PDE1C: variants seen among roughly 807,000 people sequenced by gnomAD.
PDE1C encodes the protein dual specificity calcium/calmodulin-dependent 3',5'-cyclic nucleotide phosphodiesterase 1C.
In PDE1C, 62 loss-of-function variants were observed where a neutral mutation model predicts 93.1. That is an observed-to-expected ratio of 0.67 (90% CI 0.54 to 0.82). The LOEUF (loss-of-function observed/expected upper bound fraction) is 0.82. PDE1C is among the 40% of genes least tolerant of loss of function. The pLI is 0.00. For missense variants in PDE1C, 742 were observed against 884.6 expected, an observed-to-expected ratio of 0.84 and a Z score of 2.04; for synonymous variants, 325 against 310.1, an observed-to-expected ratio of 1.05 and a Z score of -0.50.
chr7:32,235,387 A>T (rs902327884), intron 1 of PDE1C, among the ~76,000 whole-genome samples: 4 of 150,972 alleles, frequency 2.6e-5, no homozygotes, highest in Non-Finnish European at 5.9e-5. Flanking sequence ...AAGTTACATG[A>T]TTGTCTATGT....
At chr7:31,643,521 G>C in the PDE1C span, 2 of 1,614,036 alleles carry the variant, frequency 1.2e-6, no homozygotes, top group Admixed American at 3.3e-5. Flanking sequence ...CCAGCCTGGT[G>C]TCGGCTGCTC....
At chr7:31,974,678 G>T (rs1811418765) in intron 2 of PDE1C, among the ~76,000 whole-genome samples, 1 of 152,108 alleles carries the variant, frequency 6.6e-6, no homozygotes, top group Non-Finnish European at 1.5e-5. Flanking sequence ...TGTCCCTTAA[G>T]TCTCTTCACC....
chr7:32,121,819 T>C (rs1286268080), intron 3 of PDE1C, among the ~76,000 whole-genome samples: 1 of 152,144 alleles, frequency 6.6e-6, no homozygotes, highest in Non-Finnish European at 1.5e-5. Flanking sequence ...TCAACTAGTG[T>C]GCAAAATAAC....
intron 1 of PDE1C, among the ~76,000 whole-genome samples, chr7:32,254,183 A>G (rs533364198): frequency 8.3e-4 from 127 of 152,302 alleles, no homozygotes; most frequent in Non-Finnish European, 1.5e-3. Flanking sequence ...TTGCAGGTGA[A>G]AGAGAACAAA....
At chr7:31,745,861 C>CAA in the PDE1C span, among the ~76,000 whole-genome samples, 1 of 152,104 alleles carries the variant, frequency 6.6e-6, no homozygotes, top group South Asian at 2.1e-4. Context: ...GTCTTTTTGG[C>CAA]TTAGAATATT....
At chr7:31,904,059 A>C (rs1800294317) in intron 2 of PDE1C, among the ~76,000 whole-genome samples, 1 of 152,156 alleles carries the variant, frequency 6.6e-6, no homozygotes, top group South Asian at 2.1e-4. Flanking sequence ...TAGAACAGTG[A>C]ACTTTGGCTG....
At chr7:31,948,853 C>T (rs576763767) in intron 2 of PDE1C, among the ~76,000 whole-genome samples, 46 of 152,262 alleles carry the variant, frequency 3.0e-4, no homozygotes, top group African/African-American at 1.1e-3. Context: ...CAAACTGGGG[C>T]ACAGCAAAAA....
intron 1 of PDE1C, among the ~76,000 whole-genome samples, chr7:32,405,651 T>C (rs546735172): frequency 2.0e-5 from 3 of 152,188 alleles, no homozygotes; most frequent in Non-Finnish European, 4.4e-5. Context: ...ACTTCCCAGT[T>C]AACTTGAGGC....
chr7:31,998,203 T>A (rs1784992151), intron 2 of PDE1C, among the ~76,000 whole-genome samples: 1 of 151,982 alleles, frequency 6.6e-6, no homozygotes, highest in East Asian at 1.9e-4. Context: ...GTATTTTTAG[T>A]AGAGACAGGG....
At chr7:31,934,006 C>T (rs1804683911) in intron 2 of PDE1C, among the ~76,000 whole-genome samples, 1 of 152,140 alleles carries the variant, frequency 6.6e-6, no homozygotes, top group Non-Finnish European at 1.5e-5. Context: ...TTCACTTTTT[C>T]AAGGCATTTG....
chr7:32,238,425 A>ATT (rs1808297228), intron 1 of PDE1C, among the ~76,000 whole-genome samples: 1 of 152,266 alleles, frequency 6.6e-6, no homozygotes, highest in Admixed American at 6.5e-5. Flanking sequence ...AAAGTTATAT[A>ATT]TTTTAACTAA....
At chr7:32,267,561 TTCTC>T (rs763148981) in intron 1 of PDE1C, among the ~76,000 whole-genome samples, 4 of 131,894 alleles carry the variant, frequency 3.0e-5, no homozygotes, top group South Asian at 2.5e-4. Context: ...TGCAGCCTCT[TTCTC>T]TCTCTCTCAC....
At position 31,865,544 on chromosome 7, in the gene PDE1C, C is replaced by A. The variant is rs554228808; in HGVS notation, c.610-462G>T. ...ATGTTGTAAATAACACTGAGGAATT[C>A]AAAAATAATACTAATAATTAGTAAC... On this transcript the variant is annotated intron_variant, in intron 6 of 17. Transcript: ENST00000396191. Among the ~76,000 whole-genome samples, 12 of 152,216 alleles carry A rather than the reference C, an allele frequency of 7.9e-5. No homozygotes were observed. In the East Asian group the frequency reaches 2.3e-3, roughly 29 times the overall value.
chr7:31,848,102 C>G lies in PDE1C; in HGVS notation c.852-6G>C. The G allele has an allele frequency of 5.0e-6, 8 of 1,611,372 alleles. No individual in the cohort carries two copies. The highest frequency in any genetic ancestry group is 5.9e-6 in the Non-Finnish European group (7 of 1,178,578). On this transcript the variant is annotated splice_region_variant and splice_polypyrimidine_tract_variant and intron_variant, in intron 8 of 17. Coordinates refer to ENST00000396191, the MANE Select transcript of PDE1C (RefSeq NM_001191057.4). ...ACAGAATAGCTGGATCAGACCTGAACAGAAAGCCAAGCAAAATTCAGAATG... is the reference window on the plus strand; with the variant it reads ...ACAGAATAGCTGGATCAGACCTGAAGAGAAAGCCAAGCAAAATTCAGAATG...
At chr7:31,720,169 C>CA in the PDE1C span, among the ~76,000 whole-genome samples, 4,376 of 50,068 alleles carry the variant, frequency 0.087, 908 homozygotes, top group Non-Finnish European at 0.12. Flanking sequence ...GACTCCGTCT[C>CA]AAAAAAAAAA....
Position 32,374,955 on chromosome 7 carries a change from A to G in PDE1C, c.310+52867T>C, listed in dbSNP as rs188531000. ...CTCTGATGGTGGACAAGCACCACCG[A>G]GTTCCCAGGACGCCCAGTTGCCCAG... On this transcript the variant is annotated intron_variant, in intron 1 of 1. Coordinates refer to the PDE1C transcript ENST00000672256. Among the ~76,000 whole-genome samples, 344 of 152,342 alleles carry G rather than the reference A, an allele frequency of 2.3e-3. 1 individual carries two copies. Among genetic ancestry groups the G allele is most frequent in the Non-Finnish European group, 4.1e-3 (281 of 68,036 alleles).
chr7:32,213,680 CAGT>C (rs1446606672), intron 1 of PDE1C, among the ~76,000 whole-genome samples: 1 of 152,190 alleles, frequency 6.6e-6, no homozygotes, highest in African/African-American at 2.4e-5. Context: ...TTTCACAATA[CAGT>C]AGATGTTCCG....
At chr7:31,979,888 G>C (rs2129058078) in intron 2 of PDE1C, among the ~76,000 whole-genome samples, 1 of 152,302 alleles carries the variant, frequency 6.6e-6, no homozygotes, top group East Asian at 1.9e-4. Flanking sequence ...ACAGGTGACA[G>C]GTAGTACCAA....
chr7:31,865,962 G>GATATTGCAAATA (rs1297363714), intron 6 of PDE1C, among the ~76,000 whole-genome samples: 18 of 152,194 alleles, frequency 1.2e-4, no homozygotes, highest in African/African-American at 4.3e-4. Context: ...GCAACTACCA[G>GATATTGCAAATA]TCACTCAGAA....
Sources: allele counts gnomAD v4.1 joint callset (sites outside exome capture counted in the v4.1 genomes callset), GRCh38; gene constraint gnomAD v4.1.1; transcripts MANE v1.5; gene names NCBI Gene and HGNC (gene_info 2026-07-23, HGNC 2026-07-21).